The following TAB2 variants were observed in gnomAD, a reference collection of about 807,000 sequenced individuals.
TAB2 encodes TGF-beta-activated kinase 1 and MAP3K7-binding protein 2.
TAB2 carries 3 observed loss-of-function variants against 65.0 expected under a neutral mutation model. The ratio of observed to expected loss-of-function variants is 0.05; its 90% CI spans 0.02 to 0.12. The LOEUF (loss-of-function observed/expected upper bound fraction) is 0.12, where lower values mean the gene tolerates loss of function less well. TAB2 is among the 10% of genes least tolerant of loss of function. The pLI is 1.00. For missense variants in TAB2, 623 were observed against 840.3 expected (o/e 0.74, Z 3.20); for synonymous variants, 298 against 285.1 (o/e 1.05, Z -0.46).
chr6:149,379,932 A>T, intron 3 of TAB2: 1 of 455,498 alleles, frequency 2.2e-6, no homozygotes, highest in South Asian at 1.6e-5. Context: ...TTCTTTGACC[A>T]GATATTTGAA....
At chr6:149,396,201 A>G (rs1283427336) in intron 3 of TAB2, among the ~76,000 whole-genome samples, 1 of 152,152 alleles carries the variant, frequency 6.6e-6, no homozygotes, top group Non-Finnish European at 1.5e-5. Flanking sequence ...TATTTTTAGT[A>G]GAAACGAGGT....
intron 1 of TAB2, among the ~76,000 whole-genome samples, chr6:149,349,393 C>G (rs1025782401): frequency 6.9e-6 from 1 of 145,220 alleles, no homozygotes; most frequent in African/African-American, 2.6e-5. Flanking sequence ...GCACTCCAGC[C>G]TGGGCAACAG....
intron 1 of TAB2, among the ~76,000 whole-genome samples, chr6:149,277,755 C>T (rs1011321618): frequency 6.6e-6 from 1 of 152,156 alleles, no homozygotes; most frequent in Non-Finnish European, 1.5e-5. Flanking sequence ...AGATAAAAAG[C>T]ATAAATGTAC....
intron 1 of TAB2, among the ~76,000 whole-genome samples, chr6:149,321,847 A>G (rs537593223): frequency 1.3e-5 from 2 of 152,320 alleles, no homozygotes; most frequent in South Asian, 4.1e-4. Flanking sequence ...TTTGGCACTT[A>G]AAAGTACATT....
At position 149,258,736 on chromosome 6, in the gene TAB2, C is replaced by A. The variant is rs1028306114; in HGVS notation, c.-121+39960C>A. Among the ~76,000 whole-genome samples the A allele has an allele frequency of 2.6e-5, 4 of 152,248 alleles. No homozygotes were observed. The South Asian group carries it at 8.3e-4, about 32-fold the overall frequency. On this transcript the variant is annotated intron_variant, in intron 1 of 1. Coordinates refer to the TAB2 transcript ENST00000606202. ...TCAGCAGATTAGTTTCTCTCCCTTC[C>A]CAAAAGACATTCACATCCTAATCAC...
intron 1 of TAB2, among the ~76,000 whole-genome samples, chr6:149,276,347 T>G (rs1409428327): frequency 6.6e-6 from 1 of 152,194 alleles, no homozygotes; most frequent in East Asian, 1.9e-4. Context: ...TATATTGGTT[T>G]GTATTCTATT....
intron 1 of TAB2, among the ~76,000 whole-genome samples, chr6:149,360,603 C>T (rs1780812364): frequency 6.6e-6 from 1 of 152,212 alleles, no homozygotes; most frequent in African/African-American, 2.4e-5. Flanking sequence ...TTAGAGAAGA[C>T]AGCATCCAAA....
intron 1 of TAB2, 138 bp downstream of exon 1, chr6:149,318,153 C>T (rs923097843): frequency 6.5e-6 from 1 of 152,934 alleles, no homozygotes; most frequent in Non-Finnish European, 1.5e-5. Flanking sequence ...AACTTGCACT[C>T]TTCCTCCCTC....
chr6:149,402,067 A>T (rs1782444237), intron 6 of TAB2, among the ~76,000 whole-genome samples: 1 of 151,968 alleles, frequency 6.6e-6, no homozygotes, highest in South Asian at 2.1e-4. Context: ...GCTAAGCCTA[A>T]TGTTAGCATA....
At chr6:149,239,796 C>T (rs1777563929) in intron 1 of TAB2, among the ~76,000 whole-genome samples, 1 of 152,210 alleles carries the variant, frequency 6.6e-6, no homozygotes, top group South Asian at 2.1e-4. Flanking sequence ...TGAGCCCATC[C>T]TAGAGACACA....
At chr6:149,401,518 A>G (rs1422429215) in intron 6 of TAB2, among the ~76,000 whole-genome samples, 1 of 150,000 alleles carries the variant, frequency 6.7e-6, no homozygotes, top group Non-Finnish European at 1.5e-5. Flanking sequence ...AAAAATTATA[A>G]ATATATACAC....
chr6:149,227,896 A>G (rs377019941), intron 1 of TAB2, among the ~76,000 whole-genome samples: 1 of 152,232 alleles, frequency 6.6e-6, no homozygotes, highest in African/African-American at 2.4e-5. Flanking sequence ...GAAACTCTTC[A>G]TAATAAAATG....
At chr6:149,330,201 A>G (rs370977037) in intron 1 of TAB2, among the ~76,000 whole-genome samples, 2 of 152,112 alleles carry the variant, frequency 1.3e-5, no homozygotes, top group African/African-American at 4.8e-5. Context: ...GTATGGATAT[A>G]CCACAATTTG....
intron 1 of TAB2, among the ~76,000 whole-genome samples, chr6:149,221,816 T>C (rs1199980196): frequency 6.6e-6 from 1 of 152,210 alleles, no homozygotes; most frequent in Non-Finnish European, 1.5e-5. Context: ...CCAGGTCTGA[T>C]GTTGGGAAAT....
intron 1 of TAB2, among the ~76,000 whole-genome samples, chr6:149,302,941 C>G (rs1160948098): frequency 1.3e-5 from 2 of 152,242 alleles, no homozygotes; most frequent in Non-Finnish European, 2.9e-5. Context: ...GCTCCTATTA[C>G]CTCCTGAGCT....
rs1562389263 is a variant in TAB2, at chr6:149,253,968, AAG to A, written c.-121+35194_-121+35195del. ...AGAAAGAAAGAAAGAAAAAGAAAGAAAGAAAGAAAGAAAGAAAGAAAGAAAGA... is the reference window on the plus strand; with the variant it reads ...AGAAAGAAAGAAAGAAAAAGAAAGAAAAAGAAAGAAAGAAAGAAAGAAAGA... On this transcript the variant is annotated intron_variant, in intron 1 of 1. Transcript: ENST00000606202. 6.4e-4 allele frequency among the ~76,000 whole-genome samples: 68 copies of A among 105,670 alleles called. 1 individual carries two copies. The highest frequency in any genetic ancestry group is 2.0e-3 in the African/African-American group (56 of 28,578). The allele number at this position is 105,670 out of a possible 152,430, so 69.3% of individuals were successfully genotyped here. A position where few individuals can be genotyped will look rare whatever the true frequency, so the allele number is the denominator to read the frequency against.
chr6:149,342,240 G>T (rs579666), intron 1 of TAB2, among the ~76,000 whole-genome samples: 139,488 of 152,140 alleles, frequency 0.92, 64,089 homozygotes, highest in African/African-American at 0.98. Context: ...CCCTGGGAAT[G>T]GATCATAGGA....
At chr6:149,226,887 G>C (rs1348509626) in intron 1 of TAB2, among the ~76,000 whole-genome samples, 4 of 152,200 alleles carry the variant, frequency 2.6e-5, no homozygotes, top group African/African-American at 9.7e-5. Flanking sequence ...AATCAACGAA[G>C]TGTTTAGAGC....
intron 1 of TAB2, among the ~76,000 whole-genome samples, chr6:149,227,058 A>T (rs1447088578): frequency 1.3e-5 from 2 of 152,118 alleles, no homozygotes; most frequent in Non-Finnish European, 2.9e-5. Flanking sequence ...CCCTTCAAAG[A>T]AAAAAAACCT....
Sources: allele counts gnomAD v4.1 joint callset (sites outside exome capture counted in the v4.1 genomes callset), GRCh38; gene constraint gnomAD v4.1.1; transcripts MANE v1.5; gene names NCBI Gene and HGNC (gene_info 2026-07-23, HGNC 2026-07-21).